Variants in XRCC1 observed in about 807,000 individuals in gnomAD.
XRCC1 encodes X-ray repair cross complementing 1.
XRCC1 carries 52 observed loss-of-function variants against 83.3 expected under a neutral mutation model. The ratio of observed to expected loss-of-function variants is 0.62; its 90% CI spans 0.50 to 0.79. XRCC1 has a LOEUF of 0.79. XRCC1 is among the 30% of genes least tolerant of loss of function. The pLI, the probability that XRCC1 is intolerant of heterozygous loss-of-function variation, is 0.00. For synonymous variants in XRCC1, 281 were observed against 312.6 expected (o/e 0.90, Z 1.07); for missense variants, 793 against 823.5 (o/e 0.96, Z 0.45).
chr19:43,568,869 A>G (rs1436973083), intron 2 of XRCC1, among the ~76,000 whole-genome samples: 1 of 151,458 alleles, frequency 6.6e-6, no homozygotes, highest in Non-Finnish European at 1.5e-5. Context: ...TATGCATATA[A>G]TACCCATTCA....
At chr19:43,556,414 A>G (rs924376995) in intron 3 of XRCC1, among the ~76,000 whole-genome samples, 2 of 152,170 alleles carry the variant, frequency 1.3e-5, no homozygotes, top group Non-Finnish European at 2.9e-5. Flanking sequence ...GGGGACACCA[A>G]AGAAGAGGTG....
At chr19:43,562,561 T>A (rs1388377141) in intron 2 of XRCC1, among the ~76,000 whole-genome samples, 2 of 152,030 alleles carry the variant, frequency 1.3e-5, no homozygotes, top group African/African-American at 4.8e-5. Flanking sequence ...CTGGGCAACA[T>A]AGCCAGACCT....
At chr19:43,571,825 G>A (rs1450722685) in intron 2 of XRCC1, among the ~76,000 whole-genome samples, 1 of 152,312 alleles carries the variant, frequency 6.6e-6, no homozygotes, top group East Asian at 1.9e-4. Context: ...GTGTACTGCT[G>A]TATTAAAACA....
At chr19:43,557,277 C>T (rs1403414445) in intron 3 of XRCC1, among the ~76,000 whole-genome samples, 1 of 143,650 alleles carries the variant, frequency 7.0e-6, no homozygotes, top group Non-Finnish European at 1.5e-5. Context: ...CCACTGCACT[C>T]CAGCCTGGCA....
At chr19:43,567,818 A>G (rs1375077889) in intron 2 of XRCC1, among the ~76,000 whole-genome samples, 1 of 152,004 alleles carries the variant, frequency 6.6e-6, no homozygotes, top group Non-Finnish European at 1.5e-5. Context: ...ACAGGAAGGC[A>G]AAGTTCCTGA....
chr19:43,558,738 G>A (rs3213328), intron 3 of XRCC1, among the ~76,000 whole-genome samples: 13,441 of 151,624 alleles, frequency 0.089, 763 homozygotes, highest in Admixed American at 0.15. Context: ...CATATCAATG[G>A]AACAGAGAAG....
At chr19:43,573,065 T>G (rs1972820094) in intron 2 of XRCC1, among the ~76,000 whole-genome samples, 1 of 151,702 alleles carries the variant, frequency 6.6e-6, no homozygotes, top group Non-Finnish European at 1.5e-5. Context: ...CCCTGGTAGC[T>G]GGGACTACAG....
At chr19:43,552,567 C>G (rs552076689) in intron 8 of XRCC1, among the ~76,000 whole-genome samples, 13 of 150,142 alleles carry the variant, frequency 8.7e-5, no homozygotes, top group South Asian at 2.1e-4. Context: ...CTCTCAGACC[C>G]AGGGGTCCAG....
chr19:43,549,540 C>T (rs1008360578), intron 10 of XRCC1, among the ~76,000 whole-genome samples: 1 of 152,122 alleles, frequency 6.6e-6, no homozygotes, highest in South Asian at 2.1e-4. Flanking sequence ...GGATTACAGG[C>T]GTGAGCCACT....
At chr19:43,544,699 G>C (rs1256402516) in intron 14 of XRCC1, among the ~76,000 whole-genome samples, 1 of 152,108 alleles carries the variant, frequency 6.6e-6, no homozygotes, top group Non-Finnish European at 1.5e-5. Flanking sequence ...TAGAGAGACG[G>C]GGTATTGACA....
intron 10 of XRCC1, 148 bp downstream of exon 10, chr19:43,551,423 G>A: frequency 1.5e-6 from 1 of 678,286 alleles, no homozygotes; most frequent in South Asian, 1.8e-5. Flanking sequence ...GAGTACCCCA[G>A]CCCCTGCCCC....
rs945469724 is a variant in XRCC1 at position 43,560,917 on chromosome 19, T to G, written c.248A>C (p.Asp83Ala). ...GSSAGGAGEQ[D>A]YEVLLVTSSF... is the part of the protein sequence containing the mutation. ...TCTCATAGCCCTGCTTACCTCATAG[T>G]CTTGCTCCCCAGCGCCTCCAGCTGA... Residue 83 changes from aspartate to alanine, a missense_variant, in exon 3 of 17, where the codon GAC becomes GCC. Transcript: ENST00000262887. 1.2e-6 allele frequency: 2 copies of G among 1,613,904 alleles called. No individual in the cohort carries two copies. Among genetic ancestry groups the G allele is most frequent in the Admixed American group, 3.3e-5 (2 of 60,022 alleles).
intron 3 of XRCC1, among the ~76,000 whole-genome samples, chr19:43,560,668 C>T (rs910333692): frequency 1.3e-5 from 2 of 152,146 alleles, no homozygotes; most frequent in Non-Finnish European, 2.9e-5. Context: ...CCAGAACAGT[C>T]GAATAATACA....
intron 6 of XRCC1, 58 bp from the exon 7 acceptor site, chr19:43,553,149 T>G: frequency 6.7e-7 from 1 of 1,490,934 alleles, no homozygotes; most frequent in South Asian, 1.2e-5. Context: ...ACCCTTTCAC[T>G]CCTATCTATG....
chr19:43,549,310 AG>A (rs1972552635), intron 10 of XRCC1, among the ~76,000 whole-genome samples: 1 of 152,030 alleles, frequency 6.6e-6, no homozygotes, highest in South Asian at 2.1e-4. Context: ...CCCAGGCTGG[AG>A]TGCAGTGGCA....
chr19:43,551,389 G>A (rs996114466), intron 10 of XRCC1, among the ~76,000 whole-genome samples, 182 bp downstream of exon 10: 2 of 152,208 alleles, frequency 1.3e-5, no homozygotes, highest in African/African-American at 2.4e-5. Context: ...TGACCTCCCA[G>A]GCAGGTCCTC....
intron 10 of XRCC1, among the ~76,000 whole-genome samples, chr19:43,550,889 A>C (rs1288050635): frequency 6.6e-6 from 1 of 152,220 alleles, no homozygotes; most frequent in Non-Finnish European, 1.5e-5. Flanking sequence ...CAAAGTGAGA[A>C]GCCTTCAAGG....
At chr19:43,554,103 A>G (rs1972611161) in intron 4 of XRCC1, among the ~76,000 whole-genome samples, 1 of 152,198 alleles carries the variant, frequency 6.6e-6, no homozygotes, top group African/African-American at 2.4e-5. Context: ...CATAAGGAGA[A>G]GCCAGCTGAC....
chr19:43,552,279 G>C lies in XRCC1; in HGVS notation c.824-4C>G. On this transcript the variant is annotated splice_region_variant and splice_polypyrimidine_tract_variant and intron_variant, in intron 8 of 16. Transcript: ENST00000262887. ...GGGGTACGAGTTGGAGCTGGCACTG[G>C]AGAAGACAAAGAGTAGATTAGGTTA... The C allele has an allele frequency of 6.3e-7, 1 of 1,588,492 alleles. No homozygotes were observed. The highest frequency in any genetic ancestry group is 8.6e-7 in the Non-Finnish European group (1 of 1,167,828).
Sources: allele counts gnomAD v4.1 joint callset (sites outside exome capture counted in the v4.1 genomes callset), GRCh38; gene constraint gnomAD v4.1.1; transcripts MANE v1.5; gene names NCBI Gene and HGNC (gene_info 2026-07-23, HGNC 2026-07-21).